Variants in TSR1 observed in about 807,000 individuals in gnomAD.
TSR1 encodes pre-rRNA-processing protein TSR1 homolog.
Under a neutral mutation model 90.9 loss-of-function variants are expected in TSR1, and 81 were observed. The observed-to-expected ratio is 0.89, with a 90% CI of 0.74 to 1.07. The LOEUF (loss-of-function observed/expected upper bound fraction) is 1.07, where lower values mean the gene tolerates loss of function less well. Among genes scored for constraint, TSR1 ranks in the 50% least tolerant of loss-of-function variants. TSR1 has a pLI of 0.00. For missense variants in TSR1, 989 were observed against 987.3 expected (o/e 1.00, Z -0.02); for synonymous variants, 362 against 348.8 (o/e 1.04, Z -0.42).
intron 5 of TSR1, 62 bp downstream of exon 5, chr17:2,334,410 A>C: frequency 1.3e-6 from 2 of 1,543,748 alleles, no homozygotes; most frequent in Non-Finnish European, 1.8e-6. Context: ...ATCTTCTCTG[A>C]ATTTAAGTTT....
At position 2,324,061 on chromosome 17, in the gene TSR1, T is replaced by TA; in HGVS notation, c.*134dup. On this transcript the variant is annotated 3_prime_UTR_variant, in exon 15 of 15. Transcript: ENST00000301364. ...CTTAACTGAGACATTTTGTCAAGGC[T>TA]AAAAAAAAGTCTTGCAAAATGGGGC... The TA allele has an allele frequency of 5.2e-5, 68 of 1,303,964 alleles. No individual in the cohort carries two copies. The highest frequency in any genetic ancestry group is 5.9e-5 in the Non-Finnish European group (56 of 953,708). The allele number at this position is 1,303,964 out of a possible 1,614,324, so 80.8% of individuals were successfully genotyped here.
chr17:2,323,416 G>A lies in TSR1; in HGVS notation c.*780C>T. 1 of 1,571,996 alleles carries A rather than the reference G, an allele frequency of 6.4e-7. No individual in the cohort carries two copies. Among genetic ancestry groups the A allele is most frequent in the South Asian group, 1.1e-5 (1 of 88,844 alleles). ...CTTAGGCAGAAGAAACTTCCCTTAG[G>A]AGTAGCAAGTGACCCACGGGAACCT... On this transcript the variant is annotated 3_prime_UTR_variant, in exon 15 of 15. Transcript: ENST00000301364.
chr17:2,335,474 C>T, intron 3 of TSR1, 37 bp downstream of exon 3: 1 of 1,590,290 alleles, frequency 6.3e-7, no homozygotes, highest in Non-Finnish European at 8.6e-7. Flanking sequence ...AATACCACTA[C>T]TCAAACATAA....
chr17:2,334,691 A>G lies in TSR1; in HGVS notation c.762T>C (p.Phe254=), dbSNP rs762424934. The change falls in exon 5 of 15, where the codon TTT becomes TTC. Residue 254 remains phenylalanine, a synonymous_variant. Transcript: ENST00000301364. ...TAGGAACAAAATCAACAGCATGGGC[A>G]AATAGGTAGGCCCGCCGATCTCGAA... is the stretch of plus-strand genomic sequence containing the variant. ...LAFRDRRAYL[F]AHAVDFVPSE... is the part of the protein sequence containing the mutation. 9 of 1,613,622 alleles carry G rather than the reference A, an allele frequency of 5.6e-6. No homozygotes were observed. Among genetic ancestry groups the G allele is most frequent in the Non-Finnish European group, 7.6e-6 (9 of 1,180,030 alleles).
chr17:2,326,549 C>A (rs930269431), intron 11 of TSR1, among the ~76,000 whole-genome samples: 2 of 152,134 alleles, frequency 1.3e-5, no homozygotes, highest in African/African-American at 4.8e-5. Context: ...TTTATCACAC[C>A]CTTTTAAATT....
Position 2,324,158 on chromosome 17 carries a change from C to G in TSR1, c.*38G>C, listed in dbSNP as rs746077123. 6.6e-7 allele frequency: 1 copy of G among 1,511,812 alleles called. No homozygotes were observed. Among genetic ancestry groups the G allele is most frequent in the African/African-American group, 1.4e-5 (1 of 71,738 alleles). 93.6% of individuals were successfully genotyped at this position (1,511,812 alleles called of 1,614,324 possible). A position where few individuals can be genotyped will look rare whatever the true frequency, so the allele number is the denominator to read the frequency against. On this transcript the variant is annotated 3_prime_UTR_variant, in exon 15 of 15. Coordinates refer to ENST00000301364, the MANE Select transcript of TSR1 (RefSeq NM_018128.5). ...ACTTGTGCCTCCCATCCCTGGAGTA[C>G]TGACTGGCACCGGTAAGACAGAATC...
rs758216630 is a variant in TSR1 at position 2,334,532 on chromosome 17, G to C, written c.921C>G (p.Asp307Glu). ...FQMKQIDAPG[D>E]PFPLNPRGIK... ...TTCCTCTAGGATTTAAAGGGAAAGG[G>C]TCTCCGGGGGCATCTATCTGTTTCA... Residue 307 changes from aspartate to glutamate, a missense_variant, in exon 5 of 15, where the codon GAC becomes GAG. Asp to Glu is a conservative substitution (Grantham distance 45). Coordinates refer to ENST00000301364, the MANE Select transcript of TSR1 (RefSeq NM_018128.5). 6.2e-7 allele frequency: 1 copy of C among 1,614,020 alleles called. No homozygotes were observed. The highest frequency in any genetic ancestry group is 1.3e-5 in the African/African-American group (1 of 74,918).
At chr17:2,324,650 C>G in intron 13 of TSR1, 39 bp downstream of exon 13, 1 of 1,613,988 alleles carries the variant, frequency 6.2e-7, no homozygotes, top group Non-Finnish European at 8.5e-7. Flanking sequence ...CTTTATACCA[C>G]AAAGGCAATC....
intron 11 of TSR1, among the ~76,000 whole-genome samples, chr17:2,326,978 G>A (rs1343694504): frequency 2.6e-5 from 4 of 151,638 alleles, no homozygotes; most frequent in South Asian, 2.1e-4. Context: ...GGTGGTACAC[G>A]CCTGTAATCC....
At chr17:2,336,016 C>T in intron 2 of TSR1, 21 bp downstream of exon 2, 3 of 1,613,118 alleles carry the variant, frequency 1.9e-6, no homozygotes, top group Non-Finnish European at 1.7e-6. Flanking sequence ...GCCGCATTCT[C>T]CCAAATCCCG....
chr17:2,332,555 G>A (rs1429530073), intron 7 of TSR1, among the ~76,000 whole-genome samples, 196 bp from the exon 8 acceptor site: 2 of 152,102 alleles, frequency 1.3e-5, no homozygotes, highest in Non-Finnish European at 2.9e-5. Context: ...AACCATACAC[G>A]GCCGGGTGCG....
chr17:2,328,228 T>G (rs1597275468), intron 11 of TSR1, among the ~76,000 whole-genome samples: 2 of 105,280 alleles, frequency 1.9e-5, no homozygotes, highest in Admixed American at 1.3e-4. Flanking sequence ...AGCATCAGAG[T>G]GAGACTCGGT....
At chr17:2,333,809 A>G in intron 5 of TSR1, 93 bp from the exon 6 acceptor site, 2 of 1,479,650 alleles carry the variant, frequency 1.4e-6, no homozygotes, top group East Asian at 2.3e-5. Context: ...ATCAGTCCTC[A>G]TGTATAAGAT....
chr17:2,333,422 A>G, intron 6 of TSR1, 135 bp downstream of exon 6: 1 of 1,060,758 alleles, frequency 9.4e-7, no homozygotes, highest in Non-Finnish European at 1.4e-6. Flanking sequence ...GAAAACATAC[A>G]GCATTTGAGG....
chr17:2,333,649 C>A lies in TSR1; in HGVS notation c.1049G>T (p.Gly350Val), dbSNP rs1394952491. Reference sequence around the variant, plus strand: ...CTCTGCTTGCAAGGATTCCTGTCTACCAGGGTCTGCCTTCATTAGGACTTT... The same window carrying A: ...CTCTGCTTGCAAGGATTCCTGTCTAACAGGGTCTGCCTTCATTAGGACTTT... ...GLKVLMKADP[G>V]RQESLQAEVI... The change falls in exon 6 of 15, where the codon GGT becomes GTT. Residue 350 changes from glycine (G) to valine (V), a missense_variant. Transcript: ENST00000301364. The A allele has an allele frequency of 1.2e-6, 2 of 1,614,108 alleles. No individual in the cohort carries two copies. The highest frequency in any genetic ancestry group is 1.7e-6 in the Non-Finnish European group (2 of 1,180,038).
chr17:2,324,595 T>A lies in TSR1; in HGVS notation c.2162-17A>T, dbSNP rs2075563111. 1.9e-6 allele frequency: 3 copies of A among 1,614,112 alleles called. No homozygotes were observed. In the East Asian group the frequency reaches 6.7e-5, roughly 36 times the overall value. On this transcript the variant is annotated splice_polypyrimidine_tract_variant and intron_variant, in intron 13 of 14. Transcript: ENST00000301364. ...GCACATCCTCTTAGAATCAAACACA[T>A]TAAAGACCAAGATGAAACATTTACC...
chr17:2,334,548 A>G lies in TSR1; in HGVS notation c.905T>C (p.Ile302Thr), dbSNP rs1379347011. The G allele has an allele frequency of 4.3e-6, 7 of 1,614,152 alleles. No individual in the cohort carries two copies. Among genetic ancestry groups the G allele is most frequent in the Non-Finnish European group, 5.9e-6 (7 of 1,180,038 alleles). ...VGYGDFQMKQ[I>T]DAPGDPFPLN... ...AGGGAAAGGGTCTCCGGGGGCATCT[A>G]TCTGTTTCATCTGGAAATCACCATA... is the stretch of plus-strand genomic sequence containing the variant. The change falls in exon 5 of 15, where the codon ATA becomes ACA. Residue 302 changes from isoleucine (I) to threonine (T), a missense_variant. Transcript: ENST00000301364.
intron 4 of TSR1, 147 bp from the exon 5 acceptor site, chr17:2,335,043 G>A: frequency 9.1e-7 from 1 of 1,093,416 alleles, no homozygotes; most frequent in Non-Finnish European, 1.3e-6. Flanking sequence ...GAATTTCACA[G>A]TGAAATCAAA....
chr17:2,325,405 A>T lies in TSR1; in HGVS notation c.1919T>A (p.Leu640Ter). 6.2e-7 allele frequency: 1 copy of T among 1,611,446 alleles called. No homozygotes were observed. Among genetic ancestry groups the T allele is most frequent in the Non-Finnish European group, 8.5e-7 (1 of 1,179,300 alleles). ...SQHTAADKHK[L>*]QRFLTADMAL... ...CATGTCAGCAGTCAGGAATCTCTGC[A>T]ATTTATGTTTGTCCGCTGCCATAAG... The change falls in exon 12 of 15, where the codon TTG becomes TAG. Residue 640 changes from leucine to a stop codon, truncating the protein, a stop_gained. Transcript: ENST00000301364. LOFTEE classifies it high-confidence loss of function.
Sources: gnomAD v4.1 joint callset for allele counts (sites outside exome capture counted in the v4.1 genomes callset) on GRCh38, gnomAD v4.1.1 for gene constraint, MANE v1.5 for transcripts, NCBI Gene and HGNC (gene_info 2026-07-23, HGNC 2026-07-21) for gene names.